Variants in CACNA2D3 observed in about 807,000 individuals in gnomAD.
CACNA2D3 encodes the protein calcium voltage-gated channel auxiliary subunit alpha2delta 3.
In CACNA2D3, 60 loss-of-function variants were observed where a neutral mutation model predicts 160.6. The observed-to-expected ratio is 0.37, with a 90% CI of 0.30 to 0.46. CACNA2D3 has a LOEUF of 0.46. Ranked by LOEUF, CACNA2D3 falls within the 20% of genes least tolerant of loss-of-function variation. The probability of loss-of-function intolerance (pLI) is 1.00; values close to 1 mark genes in which losing one functional copy is unlikely to be tolerated. For missense variants in CACNA2D3, 1,205 were observed against 1,365.0 expected (o/e 0.88, Z 1.85); for synonymous variants, 558 against 492.9 (o/e 1.13, Z -1.75).
chr3:54,932,397 C>G (rs1472289450), intron 27 of CACNA2D3, among the ~76,000 whole-genome samples: 1 of 151,956 alleles, frequency 6.6e-6, no homozygotes, highest in Admixed American at 6.6e-5. Flanking sequence ...AGGTCAGTCA[C>G]CAAACTGATA....
At chr3:55,031,360 A>C (rs897348015) in intron 35 of CACNA2D3, among the ~76,000 whole-genome samples, 9 of 152,118 alleles carry the variant, frequency 5.9e-5, no homozygotes, top group Admixed American at 4.6e-4. Flanking sequence ...CTTGCCCTCC[A>C]TTTGTTCAGC....
At chr3:54,886,028 T>A (rs187275831) in intron 23 of CACNA2D3, among the ~76,000 whole-genome samples, 1 of 152,326 alleles carries the variant, frequency 6.6e-6, no homozygotes, top group East Asian at 1.9e-4. Flanking sequence ...GTGTGGTACA[T>A]GCTGAGTGCC....
intron 5 of CACNA2D3, among the ~76,000 whole-genome samples, chr3:54,561,272 C>G (rs1018276222): frequency 6.6e-6 from 1 of 152,094 alleles, no homozygotes; most frequent in Non-Finnish European, 1.5e-5. Context: ...TTGTAGTTCT[C>G]CTTGTAGAGA....
intron 13 of CACNA2D3, among the ~76,000 whole-genome samples, chr3:54,809,835 A>C (rs897548780): frequency 1.3e-5 from 2 of 151,854 alleles, no homozygotes; most frequent in Non-Finnish European, 2.9e-5. Flanking sequence ...ATTCTTACCA[A>C]GGGCCAGGCA....
intron 11 of CACNA2D3, among the ~76,000 whole-genome samples, chr3:54,721,652 T>A (rs1701171825): frequency 6.6e-6 from 1 of 151,488 alleles, no homozygotes; most frequent in Non-Finnish European, 1.5e-5. Context: ...TCCCAACTAC[T>A]TGGGAGGCTG....
chr3:54,732,171 A>T (rs1356101248), intron 11 of CACNA2D3, among the ~76,000 whole-genome samples: 2 of 152,186 alleles, frequency 1.3e-5, no homozygotes, highest in Non-Finnish European at 2.9e-5. Flanking sequence ...TTTGAGCCTG[A>T]TATATTTGAT....
rs1700810374 is a variant in CACNA2D3 at position 54,183,066 on chromosome 3, A to G, written c.204+59472A>G. ...GCTTTACTGTATTTGTCGTTTCTGAAGTTGACCTCATTCCCCCCCCAAAAT... is the reference window on the plus strand; with the variant it reads ...GCTTTACTGTATTTGTCGTTTCTGAGGTTGACCTCATTCCCCCCCCAAAAT... On this transcript the variant is annotated intron_variant, in intron 2 of 37. Transcript: ENST00000474759. Among the ~76,000 whole-genome samples the G allele has an allele frequency of 2.0e-5, 3 of 152,298 alleles. No homozygotes were observed. In the South Asian group the frequency reaches 6.2e-4, roughly 32 times the overall value.
intron 13 of CACNA2D3, among the ~76,000 whole-genome samples, chr3:54,771,616 A>G (rs1702323666): frequency 6.6e-6 from 1 of 152,194 alleles, no homozygotes. Context: ...CTGTCACACA[A>G]TGCTGTTTGT....
At chr3:54,386,831 T>C in intron 4 of CACNA2D3, 57 bp downstream of exon 4, 1 of 1,404,578 alleles carries the variant, frequency 7.1e-7, no homozygotes, top group South Asian at 1.3e-5. Flanking sequence ...AAAGGACAAG[T>C]ACCAGGTATA....
At chr3:54,439,801 A>AG in intron 4 of CACNA2D3, among the ~76,000 whole-genome samples, 1 of 152,280 alleles carries the variant, frequency 6.6e-6, no homozygotes, top group Admixed American at 6.5e-5. Context: ...ACATCAGGAA[A>AG]GGGGGAACCA....
chr3:55,028,723 A>C (rs1703616604), intron 35 of CACNA2D3, among the ~76,000 whole-genome samples: 1 of 152,210 alleles, frequency 6.6e-6, no homozygotes, highest in Non-Finnish European at 1.5e-5. Context: ...GTGTTGGCAA[A>C]ATATTAATTT....
At chr3:54,980,099 T>C (rs1340739856) in intron 29 of CACNA2D3, among the ~76,000 whole-genome samples, 11 of 152,332 alleles carry the variant, frequency 7.2e-5, no homozygotes, top group Middle Eastern at 3.4e-3. Flanking sequence ...CTTCCTGTTA[T>C]GATTTTTATA....
At chr3:54,742,105 A>C (rs1559565941) in intron 11 of CACNA2D3, among the ~76,000 whole-genome samples, 2 of 152,062 alleles carry the variant, frequency 1.3e-5, no homozygotes, top group Non-Finnish European at 2.9e-5. Context: ...GGGCTCAAGC[A>C]GTCTGTCTGC....
intron 34 of CACNA2D3, among the ~76,000 whole-genome samples, chr3:55,013,631 A>C (rs1040121979): frequency 2.0e-5 from 3 of 152,170 alleles, no homozygotes; most frequent in Admixed American, 1.3e-4. Flanking sequence ...TTAGCTAAAA[A>C]TGGAATCCAT....
chr3:54,361,660 A>G (rs1047727694), intron 3 of CACNA2D3, among the ~76,000 whole-genome samples: 1 of 152,220 alleles, frequency 6.6e-6, no homozygotes, highest in African/African-American at 2.4e-5. Flanking sequence ...TTTAAAGACT[A>G]GGCTTGTGGT....
chr3:54,763,757 A>G (rs1482403469), intron 12 of CACNA2D3, among the ~76,000 whole-genome samples: 2 of 45,188 alleles, frequency 4.4e-5, no homozygotes, highest in Non-Finnish European at 1.0e-4. Context: ...GCATATATAT[A>G]CACATATATA....
chr3:54,420,345 A>G (rs1400953680), intron 4 of CACNA2D3, among the ~76,000 whole-genome samples: 2 of 152,190 alleles, frequency 1.3e-5, no homozygotes, highest in African/African-American at 4.8e-5. Context: ...GGCCTCCCAA[A>G]GTGCTGGGAG....
Position 54,556,179 on chromosome 3 carries a change from G to A in CACNA2D3, c.545-6621G>A, listed in dbSNP as rs140574486. Among the ~76,000 whole-genome samples, 449 of 152,296 alleles carry A rather than the reference G, an allele frequency of 2.9e-3. 2 individuals carry two copies. Among genetic ancestry groups the A allele is most frequent in the African/African-American group, 0.01 (426 of 41,570 alleles). On this transcript the variant is annotated intron_variant, in intron 5 of 37. Transcript: ENST00000474759. ...GTTCTGATCTCCAGTACCTGCAAAT[G>A]TGGTTTTATTTGAATATAGGGTCTT...
chr3:54,467,098 T>A (rs1477973053), intron 4 of CACNA2D3, among the ~76,000 whole-genome samples: 1 of 152,110 alleles, frequency 6.6e-6, no homozygotes, highest in Non-Finnish European at 1.5e-5. Context: ...TTTTTCCATA[T>A]CAGACAAACA....
Sources: allele counts gnomAD v4.1 joint callset (sites outside exome capture counted in the v4.1 genomes callset), GRCh38; gene constraint gnomAD v4.1.1; transcripts MANE v1.5; gene names NCBI Gene and HGNC (gene_info 2026-07-23, HGNC 2026-07-21).